The following NEMP1 variants were observed in gnomAD, a reference collection of about 807,000 sequenced individuals.
NEMP1 encodes the protein nuclear envelope integral membrane protein 1, also known as transmembrane protein 194.
Under a neutral mutation model 53.7 loss-of-function variants are expected in NEMP1, and 29 were observed. The observed-to-expected ratio is 0.54, with a 90% CI of 0.40 to 0.74. NEMP1 has a LOEUF of 0.74. Among genes scored for constraint, NEMP1 ranks in the 30% least tolerant of loss-of-function variants. NEMP1 has a pLI of 0.00. For synonymous variants in NEMP1, 193 were observed against 192.9 expected (o/e 1.00, Z 0.00); for missense variants, 477 against 528.6 (o/e 0.90, Z 0.96).
At chr12:57,070,635 C>T in intron 3 of NEMP1, 39 bp downstream of exon 3, 1 of 1,505,740 alleles carries the variant, frequency 6.6e-7, no homozygotes, top group Non-Finnish European at 9.0e-7. Context: ...CAGTCCTTAT[C>T]ACTACAGAAT....
rs532624303 is a variant in NEMP1 at position 57,062,875 on chromosome 12, G to A, written c.980+244C>T. 8.6e-5 allele frequency among the ~76,000 whole-genome samples: 13 copies of A among 151,794 alleles called. No homozygotes were observed. In the South Asian group the frequency reaches 2.7e-3, roughly 32 times the overall value. On this transcript the variant is annotated intron_variant, in intron 7 of 8. Transcript: ENST00000300128. ...ACAGTGATAGAATTTGCACCACCTT[G>A]TGGTAACAGGAACACATGACATTTT...
chr12:57,087,328 G>C (rs2033033326), intron 1 of NEMP1, among the ~76,000 whole-genome samples: 1 of 152,212 alleles, frequency 6.6e-6, no homozygotes, highest in African/African-American at 2.4e-5. Context: ...GGGGCGCCTC[G>C]AGCAGAGGCT....
At chr12:57,077,375 G>A (rs1306059324) in intron 1 of NEMP1, among the ~76,000 whole-genome samples, 2 of 151,540 alleles carry the variant, frequency 1.3e-5, no homozygotes, top group African/African-American at 4.9e-5. Context: ...GCGGGCAAGT[G>A]TAATCCCAGC....
intron 3 of NEMP1, among the ~76,000 whole-genome samples, chr12:57,070,169 A>G (rs548298413): frequency 3.2e-4 from 49 of 152,284 alleles, no homozygotes; most frequent in African/African-American, 5.5e-4. Context: ...GTTCCACTGA[A>G]TAAGTTTTAA....
chr12:57,076,318 T>C (rs1286483831), intron 1 of NEMP1, among the ~76,000 whole-genome samples: 1 of 151,678 alleles, frequency 6.6e-6, no homozygotes, highest in Non-Finnish European at 1.5e-5. Flanking sequence ...TGAGCTATGA[T>C]TGTGCACTGC....
At chr12:57,063,040 C>T (rs1412435338) in intron 7 of NEMP1, 79 bp downstream of exon 7, 19 of 1,132,092 alleles carry the variant, frequency 1.7e-5, no homozygotes, top group African/African-American at 4.6e-5. Flanking sequence ...GCTCCCAGGT[C>T]AACACCTCTG....
At chr12:57,072,205 A>C (rs546918719) in intron 2 of NEMP1, among the ~76,000 whole-genome samples, 1 of 152,210 alleles carries the variant, frequency 6.6e-6, no homozygotes, top group Non-Finnish European at 1.5e-5. Context: ...TGGGAGGCCA[A>C]GGTGGGCAGA....
chr12:57,078,824 T>G, upstream of NEMP1: 7 of 1,497,748 alleles, frequency 4.7e-6, no homozygotes, highest in South Asian at 6.5e-5. Context: ...CAGCCTATCC[T>G]CTACGAAACC....
At position 57,070,660 on chromosome 12, in the gene NEMP1, G is replaced by C. The variant is rs1176686796; in HGVS notation, c.472+14C>G. On this transcript the variant is annotated intron_variant, in intron 3 of 8. Coordinates refer to ENST00000300128, the MANE Select transcript of NEMP1 (RefSeq NM_001130963.2). ...CACTACAGAATCCATCAGAAAAACA[G>C]AGGTGAGACTTACTCCGGATCACAA... is the stretch of plus-strand genomic sequence containing the variant. 2 of 1,546,138 alleles carry C rather than the reference G, an allele frequency of 1.3e-6. No individual in the cohort carries two copies. The highest frequency in any genetic ancestry group is 4.9e-5 in the East Asian group (2 of 40,900).
At chr12:57,060,702 G>A in intron 8 of NEMP1, 70 bp downstream of exon 8, 3 of 1,480,056 alleles carry the variant, frequency 2.0e-6, no homozygotes, top group South Asian at 1.3e-5. Context: ...TTCTCTAGAA[G>A]TATGATCTCT....
chr12:57,084,234 T>C (rs2136530776), intron 1 of NEMP1, among the ~76,000 whole-genome samples: 1 of 152,338 alleles, frequency 6.6e-6, no homozygotes, highest in South Asian at 2.1e-4. Flanking sequence ...AGTGCTGAGA[T>C]TAAGGGCATA....
At position 57,059,432 on chromosome 12, in the gene NEMP1, T is replaced by C. The variant is rs1285417802; in HGVS notation, c.*447A>G. The stretch of plus-strand genomic sequence containing the variant: ...ATTCTAAAGTCACTGAAATAAAAGC[T>C]GGAGTGAAGGAGGCTCAGATTTGTG... On this transcript the variant is annotated 3_prime_UTR_variant, in exon 9 of 9. Coordinates refer to ENST00000300128, the MANE Select transcript of NEMP1 (RefSeq NM_001130963.2). 1.3e-5 allele frequency: 2 copies of C among 153,606 alleles called. No homozygotes were observed. Among genetic ancestry groups the C allele is most frequent in the African/African-American group, 4.8e-5 (2 of 41,522 alleles). 9.5% of individuals were successfully genotyped at this position (153,606 alleles called of 1,614,324 possible).
intron 1 of NEMP1, among the ~76,000 whole-genome samples, chr12:57,087,418 G>T (rs575897891): frequency 6.6e-6 from 1 of 151,732 alleles, no homozygotes; most frequent in Non-Finnish European, 1.5e-5. Context: ...GCCAGCGGCT[G>T]GCAGCCCGGG....
upstream of NEMP1, among the ~76,000 whole-genome samples, chr12:57,082,344 T>C (rs2032871952): frequency 6.6e-6 from 1 of 152,246 alleles, no homozygotes; most frequent in African/African-American, 2.4e-5. Context: ...CAGATAATAA[T>C]TGAGGAAATT....
intron 4 of NEMP1, among the ~76,000 whole-genome samples, chr12:57,065,851 C>G (rs1021471704): frequency 6.7e-6 from 1 of 150,262 alleles, no homozygotes; most frequent in Middle Eastern, 3.4e-3. Flanking sequence ...TCTCATGAAC[C>G]AAGAACCTTC....
chr12:57,059,999 C>G lies in NEMP1; in HGVS notation c.1215G>C (p.Glu405Asp). Residue 405 changes from glutamate to aspartate, a missense_variant, in exon 9 of 9, where the codon GAG becomes GAC. Glu to Asp is a conservative substitution (Grantham distance 45, BLOSUM62 2). Coordinates refer to ENST00000300128, the MANE Select transcript of NEMP1 (RefSeq NM_001130963.2). ...TAATGCTCCCTAATCCATACTCCTG[C>G]TCATGGACAGAAACTTCATTTGGCG... The part of the protein sequence containing the change: ...HLTPNEVSVH[E>D]QEYGLGSIIA... 1 of 1,614,000 alleles carries G rather than the reference C, an allele frequency of 6.2e-7. No individual in the cohort carries two copies. Among genetic ancestry groups the G allele is most frequent in the Non-Finnish European group, 8.5e-7 (1 of 1,179,998 alleles).
intron 1 of NEMP1, among the ~76,000 whole-genome samples, chr12:57,073,205 G>C (rs868299626): frequency 6.7e-6 from 1 of 150,038 alleles, no homozygotes; most frequent in Admixed American, 6.6e-5. Flanking sequence ...TGCCCAGGCC[G>C]GACTGCAGTG....
intron 1 of NEMP1, 111 bp downstream of exon 1, chr12:57,078,508 T>C: frequency 7.1e-7 from 1 of 1,410,128 alleles, no homozygotes; most frequent in Non-Finnish European, 9.5e-7. Context: ...CGGCCCTCGG[T>C]AGAGCCACCG....
At chr12:57,072,741 C>G in intron 2 of NEMP1, 47 bp downstream of exon 2, 2 of 1,549,878 alleles carry the variant, frequency 1.3e-6, no homozygotes, top group Non-Finnish European at 1.7e-6. Flanking sequence ...TAATCACCAA[C>G]AGAAATTTAC....
Sources: gnomAD v4.1 joint callset for allele counts (sites outside exome capture counted in the v4.1 genomes callset) on GRCh38, gnomAD v4.1.1 for gene constraint, MANE v1.5 for transcripts, NCBI Gene and HGNC (gene_info 2026-07-23, HGNC 2026-07-21) for gene names.